VWC2L: variants seen among roughly 807,000 people sequenced by gnomAD.
VWC2L encodes the protein von Willebrand factor C domain-containing protein 2-like.
A neutral mutation model predicts 21.6 loss-of-function variants in VWC2L; 10 were observed. The observed-to-expected ratio is 0.46, with a 90% CI of 0.29 to 0.78. The LOEUF is 0.78. Among genes scored for constraint, VWC2L ranks in the 30% least tolerant of loss-of-function variants. VWC2L has a pLI of 0.10. For synonymous variants in VWC2L, 96 were observed against 94.3 expected (o/e 1.02, Z -0.10); for missense variants, 209 against 277.1 (o/e 0.75, Z 1.74).
chr2:214,422,977 T>C (rs1702465965), intron 2 of VWC2L, among the ~76,000 whole-genome samples: 1 of 152,082 alleles, frequency 6.6e-6, no homozygotes, highest in African/African-American at 2.4e-5. Flanking sequence ...GATACAATAA[T>C]GAGACCATAT....
chr2:214,505,337 CA>C (rs1385893622), intron 3 of VWC2L, among the ~76,000 whole-genome samples: 1 of 152,140 alleles, frequency 6.6e-6, no homozygotes, highest in Admixed American at 6.5e-5. Flanking sequence ...CATAAACCTC[CA>C]TGGAGAATCA....
chr2:214,529,937 T>A (rs1318631650), intron 3 of VWC2L, among the ~76,000 whole-genome samples: 1 of 152,162 alleles, frequency 6.6e-6, no homozygotes, highest in Non-Finnish European at 1.5e-5. Flanking sequence ...CATCACTAAG[T>A]CCTGCAATTC....
intron 2 of VWC2L, among the ~76,000 whole-genome samples, chr2:214,425,664 G>A (rs1484430208): frequency 3.3e-5 from 5 of 152,126 alleles, no homozygotes; most frequent in Non-Finnish European, 7.4e-5. Context: ...GTCCATTATT[G>A]CATTTGTAAA....
chr2:214,428,039 C>T (rs529731643), intron 2 of VWC2L, among the ~76,000 whole-genome samples: 5 of 152,074 alleles, frequency 3.3e-5, no homozygotes, highest in East Asian at 3.9e-4. Context: ...ATCATTATGC[C>T]GTAATTTAAT....
At chr2:214,436,434 G>A in intron 2 of VWC2L, 195 bp from the exon 3 acceptor site, 1 of 582,980 alleles carries the variant, frequency 1.7e-6, no homozygotes. Flanking sequence ...AGCAACCTGA[G>A]TGCAGGTTGT....
intron 3 of VWC2L, chr2:214,510,313 C>T (rs1574605948): frequency 6.6e-6 from 1 of 151,926 alleles, no homozygotes; most frequent in Non-Finnish European, 1.5e-5. Flanking sequence ...TAATTTATTC[C>T]CTTTATGCAT....
intron 3 of VWC2L, among the ~76,000 whole-genome samples, chr2:214,565,398 C>T (rs58557715): frequency 0.24 from 36,910 of 152,026 alleles, 4,697 homozygotes; most frequent in Middle Eastern, 0.32. Context: ...TTAGCAATCA[C>T]AGCAAACCAT....
intron 3 of VWC2L, among the ~76,000 whole-genome samples, chr2:214,462,117 T>C (rs1351738022): frequency 2.0e-5 from 3 of 152,154 alleles, no homozygotes; most frequent in African/African-American, 7.2e-5. Flanking sequence ...TAGTGGAAGC[T>C]AGGCTCTCAA....
At chr2:214,445,844 A>T (rs1702829944) in intron 3 of VWC2L, among the ~76,000 whole-genome samples, 1 of 152,064 alleles carries the variant, frequency 6.6e-6, no homozygotes, top group Non-Finnish European at 1.5e-5. Context: ...CCTTATGAGA[A>T]ATTATACTAT....
At chr2:214,463,392 C>A (rs1331328504) in intron 3 of VWC2L, among the ~76,000 whole-genome samples, 1 of 152,070 alleles carries the variant, frequency 6.6e-6, no homozygotes, top group East Asian at 1.9e-4. Flanking sequence ...TCTACTTTGT[C>A]CTGATATTAC....
chr2:214,544,361 C>T (rs1689673144), intron 3 of VWC2L, among the ~76,000 whole-genome samples: 1 of 152,162 alleles, frequency 6.6e-6, no homozygotes, highest in Non-Finnish European at 1.5e-5. Context: ...GTAAAGCCTT[C>T]AAGAAAGTAG....
chr2:214,477,931 ACTTT>A (rs1688549176), intron 3 of VWC2L, among the ~76,000 whole-genome samples: 4 of 152,198 alleles, frequency 2.6e-5, no homozygotes, highest in African/African-American at 9.7e-5. Context: ...ATGAAAAAAA[ACTTT>A]CTTTTTGATT....
intron 3 of VWC2L, among the ~76,000 whole-genome samples, chr2:214,568,017 T>C (rs1379647595): frequency 2.0e-5 from 3 of 152,166 alleles, no homozygotes; most frequent in African/African-American, 7.2e-5. Flanking sequence ...GAAGTAAATA[T>C]TAGCACATAA....
intron 3 of VWC2L, among the ~76,000 whole-genome samples, chr2:214,563,804 A>C (rs1011821756): frequency 6.6e-6 from 1 of 152,006 alleles, no homozygotes; most frequent in Non-Finnish European, 1.5e-5. Context: ...CTCTCCCACC[A>C]CTCCTATTTA....
At chr2:214,461,139 A>G (rs550798431) in intron 3 of VWC2L, among the ~76,000 whole-genome samples, 3 of 152,202 alleles carry the variant, frequency 2.0e-5, no homozygotes, top group Non-Finnish European at 4.4e-5. Flanking sequence ...GTCAGGCCCC[A>G]GTCGTGGCAG....
At chr2:214,432,863 A>G (rs973817590) in intron 2 of VWC2L, among the ~76,000 whole-genome samples, 1 of 152,020 alleles carries the variant, frequency 6.6e-6, no homozygotes, top group African/African-American at 2.4e-5. Context: ...CTTTACTAAA[A>G]GTACAAAAAT....
At chr2:214,470,769 T>C (rs563838457) in intron 3 of VWC2L, among the ~76,000 whole-genome samples, 2 of 151,814 alleles carry the variant, frequency 1.3e-5, no homozygotes, top group East Asian at 3.9e-4. Flanking sequence ...TAAAATTAGC[T>C]GGGCATATTG....
At chr2:214,510,013 A>C (rs1238662897) in intron 3 of VWC2L, among the ~76,000 whole-genome samples, 1 of 152,246 alleles carries the variant, frequency 6.6e-6, no homozygotes, top group Non-Finnish European at 1.5e-5. Context: ...TAGTAAAATA[A>C]GATCCCAGTT....
At chr2:214,460,213 T>G (rs1703120117) in intron 3 of VWC2L, among the ~76,000 whole-genome samples, 1 of 152,206 alleles carries the variant, frequency 6.6e-6, no homozygotes, top group Admixed American at 6.5e-5. Context: ...CTTTGACTTT[T>G]GACAGTATAA....
Sources: gnomAD v4.1 joint callset for allele counts (sites outside exome capture counted in the v4.1 genomes callset) on GRCh38, gnomAD v4.1.1 for gene constraint, MANE v1.5 for transcripts, NCBI Gene and HGNC (gene_info 2026-07-23, HGNC 2026-07-21) for gene names.